BRD10: variants seen among roughly 807,000 people sequenced by gnomAD.
The protein encoded by BRD10 is bromodomain containing 10.
the BRD10 span, among the ~76,000 whole-genome samples, chr9:5,975,880 A>C: frequency 6.6e-6 from 1 of 152,228 alleles, no homozygotes; most frequent in African/African-American, 2.4e-5. Flanking sequence ...ACAGAGCTAA[A>C]TTATTAATCA....
chr9:5,961,022 T>C, the BRD10 span, among the ~76,000 whole-genome samples: 1 of 152,200 alleles, frequency 6.6e-6, no homozygotes, highest in African/African-American at 2.4e-5. Flanking sequence ...GAAAGATACA[T>C]ATTAAGGAGT....
At chr9:5,990,705 A>C in the BRD10 span, among the ~76,000 whole-genome samples, 1 of 152,206 alleles carries the variant, frequency 6.6e-6, no homozygotes, top group Admixed American at 6.5e-5. Flanking sequence ...TCTCTCACCA[A>C]CATGTAAAGA....
the BRD10 span, among the ~76,000 whole-genome samples, chr9:5,906,297 T>C: frequency 6.8e-6 from 1 of 146,676 alleles, no homozygotes; most frequent in Non-Finnish European, 1.5e-5. Context: ...GCCATTATAC[T>C]CCAGCCTGGG....
chr9:5,998,839 G>A, the BRD10 span, among the ~76,000 whole-genome samples: 6 of 151,888 alleles, frequency 4.0e-5, no homozygotes, highest in African/African-American at 9.7e-5. Context: ...AATCACTAGC[G>A]TACTAGAATT....
chr9:5,931,554 G>C, the BRD10 span, among the ~76,000 whole-genome samples: 1 of 152,092 alleles, frequency 6.6e-6, no homozygotes, highest in African/African-American at 2.4e-5. Flanking sequence ...CCACTAATCT[G>C]TTTTGAAATG....
chr9:5,904,714 C>G, the BRD10 span, among the ~76,000 whole-genome samples: 1 of 151,614 alleles, frequency 6.6e-6, no homozygotes, highest in Non-Finnish European at 1.5e-5. Context: ...GATCCACCCA[C>G]TTGGCCTCCC....
the BRD10 span, among the ~76,000 whole-genome samples, chr9:5,897,894 A>G: frequency 6.6e-6 from 1 of 152,204 alleles, no homozygotes; most frequent in Non-Finnish European, 1.5e-5. Flanking sequence ...ATAATACGAG[A>G]GACTGTAATT....
the BRD10 span, among the ~76,000 whole-genome samples, chr9:5,885,424 G>A: frequency 1.3e-5 from 2 of 150,714 alleles, no homozygotes; most frequent in African/African-American, 4.9e-5. Context: ...AGGCTGCAGT[G>A]CAATGGCTCG....
chr9:5,987,815 G>A, the BRD10 span, among the ~76,000 whole-genome samples: 1 of 152,112 alleles, frequency 6.6e-6, no homozygotes, highest in African/African-American at 2.4e-5. Context: ...GGCCCTGGTT[G>A]TCTTTTTATA....
the BRD10 span, chr9:5,907,126 T>A: frequency 2.1e-6 from 1 of 478,410 alleles, no homozygotes; most frequent in Non-Finnish European, 3.5e-6. Flanking sequence ...TATATACACC[T>A]AAAAATGGTT....
the BRD10 span, among the ~76,000 whole-genome samples, chr9:6,008,456 C>G: frequency 2.6e-5 from 4 of 151,906 alleles, no homozygotes; most frequent in Non-Finnish European, 5.9e-5. Flanking sequence ...GAAAGAGGCC[C>G]TGTCGCCATC....
the BRD10 span, among the ~76,000 whole-genome samples, chr9:5,951,338 A>AC: frequency 1.1e-4 from 17 of 151,596 alleles, no homozygotes; most frequent in Non-Finnish European, 1.8e-4. Context: ...TAAAAAAAAA[A>AC]AACTTCACAA....
chr9:5,894,860 A>T, the BRD10 span, among the ~76,000 whole-genome samples: 1 of 152,302 alleles, frequency 6.6e-6, no homozygotes, highest in South Asian at 2.1e-4. The surrounding 1 kb of genome is among the most constrained non-coding windows in gnomAD (Gnocchi z 4.0). Context: ...AGAGCATAGA[A>T]AGGTAGGTTT....
At chr9:5,918,762 T>C in the BRD10 span, among the ~76,000 whole-genome samples, 1 of 144,616 alleles carries the variant, frequency 6.9e-6, no homozygotes, top group Admixed American at 7.1e-5. Context: ...GAGGTGGAGG[T>C]TGCAGTGAGC....
chr9:5,963,473 A>G, the BRD10 span, among the ~76,000 whole-genome samples: 4 of 146,330 alleles, frequency 2.7e-5, no homozygotes, highest in Admixed American at 1.4e-4. Flanking sequence ...GAAAATGGCC[A>G]TACTGCCCAA....
chr9:5,920,883 C>T, the BRD10 span: 235 of 1,613,902 alleles, frequency 1.5e-4, no homozygotes, highest in East Asian at 1.8e-3. Flanking sequence ...ACAGTGTTTC[C>T]GAGACTTGAT....
chr9:5,936,421 T>C, the BRD10 span, among the ~76,000 whole-genome samples: 1 of 152,196 alleles, frequency 6.6e-6, no homozygotes, highest in African/African-American at 2.4e-5. Context: ...AAACATCTCC[T>C]GTCCTAATTA....
At chr9:5,918,170 C>T in the BRD10 span, among the ~76,000 whole-genome samples, 30 of 152,220 alleles carry the variant, frequency 2.0e-4, no homozygotes, top group African/African-American at 6.7e-4. Context: ...GCATAAATAG[C>T]GGTTTCTGAG....
At chr9:5,981,504 C>T in the BRD10 span, among the ~76,000 whole-genome samples, 1 of 152,184 alleles carries the variant, frequency 6.6e-6, no homozygotes, top group African/African-American at 2.4e-5. Flanking sequence ...CCAGAGAAGA[C>T]ATTAAGCAGG....
Sources: allele counts gnomAD v4.1 joint callset (sites outside exome capture counted in the v4.1 genomes callset), GRCh38; gene constraint gnomAD v4.1.1; non-coding constraint Gnocchi (gnomAD v3.1); transcripts MANE v1.5; gene names NCBI Gene and HGNC (gene_info 2026-07-23, HGNC 2026-07-21).